Variants in RBPJ observed in about 807,000 individuals in gnomAD.
RBPJ encodes recombination signal binding protein for immunoglobulin kappa J region.
In RBPJ, 9 loss-of-function variants were observed where a neutral mutation model predicts 67.8. The observed-to-expected ratio is 0.13, with a 90% CI of 0.08 to 0.23. RBPJ has a LOEUF of 0.23. RBPJ is among the 10% of genes least tolerant of loss of function. The pLI is 1.00. For missense variants in RBPJ, 305 were observed against 595.6 expected, an observed-to-expected ratio of 0.51 and a Z score of 5.08; for synonymous variants, 198 against 203.3, an observed-to-expected ratio of 0.97 and a Z score of 0.22.
At chr4:26,226,739 G>C (rs1719089330) in intron 1 of RBPJ, among the ~76,000 whole-genome samples, 1 of 152,192 alleles carries the variant, frequency 6.6e-6, no homozygotes, top group Non-Finnish European at 1.5e-5. Context: ...AATGTCAGAG[G>C]CACAGAGTGG....
At chr4:26,361,061 G>GTGTGTGTA (rs1326736626) in intron 1 of RBPJ, among the ~76,000 whole-genome samples, 5 of 141,964 alleles carry the variant, frequency 3.5e-5, no homozygotes, top group South Asian at 4.3e-4. Flanking sequence ...GTGTGTGCGT[G>GTGTGTGTA]TGTGTGTGTG....
chr4:26,428,180 A>G (rs1321087643), intron 7 of RBPJ, among the ~76,000 whole-genome samples: 1 of 152,216 alleles, frequency 6.6e-6, no homozygotes, highest in Non-Finnish European at 1.5e-5. Context: ...TGGATAATAG[A>G]TATAAGACGT....
intron 1 of RBPJ, among the ~76,000 whole-genome samples, chr4:26,217,816 T>C (rs906568937): frequency 2.0e-5 from 3 of 152,210 alleles, no homozygotes; most frequent in Admixed American, 2.0e-4. Flanking sequence ...GCTGGGGCTG[T>C]CTTCAGAGTC....
intron 2 of RBPJ, among the ~76,000 whole-genome samples, chr4:26,404,277 G>C (rs555654178): frequency 6.6e-6 from 1 of 152,018 alleles, no homozygotes; most frequent in Non-Finnish European, 1.5e-5. Context: ...ATGCTGGATA[G>C]TAGACCTTTA....
At chr4:26,281,814 G>A (rs543799942) in intron 1 of RBPJ, among the ~76,000 whole-genome samples, 2 of 152,300 alleles carry the variant, frequency 1.3e-5, no homozygotes, top group South Asian at 4.1e-4. Context: ...ACAGCCACTG[G>A]AGTTCTAATT....
chr4:26,392,102 G>T (rs1731562970), intron 2 of RBPJ, among the ~76,000 whole-genome samples: 1 of 152,104 alleles, frequency 6.6e-6, no homozygotes, highest in African/African-American at 2.4e-5. Context: ...TAGGAATTTT[G>T]GGGGGACACA....
rs1179109682 is a variant in RBPJ at position 26,270,355 on chromosome 4, GAGAAAGAAAGAAAGAAAGAA to G, written c.-166-92026_-166-92007del. Reference sequence around the variant, plus strand: ...GGGAGGGGAGGGAGGGAGAGAGCAAGAGAAAGAAAGAAAGAAAGAAAGAAAGAAAGAAAGAAAGAAAGAAA... The same window carrying G: ...GGGAGGGGAGGGAGGGAGAGAGCAAGAGAAAGAAAGAAAGAAAGAAAGAAA... On this transcript the variant is annotated intron_variant, in intron 1 of 4. Coordinates refer to the RBPJ transcript ENST00000512351. 8.8e-3 allele frequency among the ~76,000 whole-genome samples: 456 copies of G among 52,070 alleles called. 8 individuals are homozygous for G. Among genetic ancestry groups the G allele is most frequent in the Middle Eastern group, 0.029 (4 of 136 alleles). 34.2% of individuals were successfully genotyped at this position (52,070 alleles called of 152,430 possible). A position where few individuals can be genotyped will look rare whatever the true frequency, so the allele number is the denominator to read the frequency against.
At chr4:26,316,298 C>CATATATACATTCATATATACATATTCAT (rs1560258067), upstream of RBPJ, among the ~76,000 whole-genome samples, 41 of 146,856 alleles carry the variant, frequency 2.8e-4, no homozygotes, top group African/African-American at 9.0e-4. Context: ...TACATATACA[C>CATATATACATTCATATATACATATTCAT]ATATATACAT....
intron 1 of RBPJ, among the ~76,000 whole-genome samples, chr4:26,336,366 G>T (rs79922863): frequency 2.2e-3 from 337 of 152,252 alleles, no homozygotes; most frequent in Non-Finnish European, 4.0e-3. Flanking sequence ...TGTAATCCCA[G>T]CCATCCCAGA....
intron 7 of RBPJ, 129 bp from the exon 8 acceptor site, chr4:26,428,591 T>A: frequency 3.1e-6 from 2 of 638,970 alleles, no homozygotes; most frequent in Non-Finnish European, 5.4e-6. Context: ...TTTATATATG[T>A]AGGCATAGGA....
intron 1 of RBPJ, among the ~76,000 whole-genome samples, chr4:26,166,863 G>A (rs1716326653): frequency 6.6e-6 from 1 of 152,148 alleles, no homozygotes; most frequent in Non-Finnish European, 1.5e-5. Flanking sequence ...TAACGTTTAA[G>A]TCTTTAATCC....
intron 1 of RBPJ, among the ~76,000 whole-genome samples, chr4:26,250,420 C>A (rs1577357872): frequency 6.9e-6 from 1 of 145,270 alleles, no homozygotes; most frequent in East Asian, 2.1e-4. Context: ...TAACCTCCTT[C>A]TCCTAGATTC....
At chr4:26,435,120 T>C (rs62411619), downstream of RBPJ, 1 of 152,208 alleles carries the variant, frequency 6.6e-6, no homozygotes, top group East Asian at 1.9e-4. Context: ...AGATTTTTTT[T>C]CCCTGTGTAA....
At chr4:26,350,851 C>CTA (rs1011500316) in intron 1 of RBPJ, among the ~76,000 whole-genome samples, 1 of 152,056 alleles carries the variant, frequency 6.6e-6, no homozygotes, top group African/African-American at 2.4e-5. Flanking sequence ...TGAGATGAGG[C>CTA]TACATATAAA....
At chr4:26,405,868 G>A (rs968624591) in intron 2 of RBPJ, among the ~76,000 whole-genome samples, 3 of 152,112 alleles carry the variant, frequency 2.0e-5, no homozygotes, top group Non-Finnish European at 2.9e-5. Context: ...CAGTGTATAT[G>A]TTGATTCTAG....
chr4:26,305,875 G>A (rs1722221932), intron 1 of RBPJ, among the ~76,000 whole-genome samples: 1 of 148,684 alleles, frequency 6.7e-6, no homozygotes, highest in Non-Finnish European at 1.5e-5. Context: ...CGCCTCCTGG[G>A]TTCAAGTGAT....
At chr4:26,193,012 G>A (rs1020203279) in intron 1 of RBPJ, among the ~76,000 whole-genome samples, 9 of 152,202 alleles carry the variant, frequency 5.9e-5, no homozygotes, top group Admixed American at 3.9e-4. Flanking sequence ...AGAGGCTGGA[G>A]TGAGGCAGTT....
chr4:26,107,548 A>C, the RBPJ span, among the ~76,000 whole-genome samples: 1 of 152,252 alleles, frequency 6.6e-6, no homozygotes, highest in Admixed American at 6.5e-5. Flanking sequence ...AGAAAACCGC[A>C]GCACTGAATG....
At chr4:26,341,676 C>T (rs1388600916) in intron 1 of RBPJ, among the ~76,000 whole-genome samples, 2 of 151,660 alleles carry the variant, frequency 1.3e-5, no homozygotes, top group Non-Finnish European at 2.9e-5. Context: ...AAACTGACCA[C>T]TACATTTAGC....
Sources: allele counts gnomAD v4.1 joint callset (sites outside exome capture counted in the v4.1 genomes callset), GRCh38; gene constraint gnomAD v4.1.1; transcripts MANE v1.5; gene names NCBI Gene and HGNC (gene_info 2026-07-23, HGNC 2026-07-21).